TEAD1: variants seen among roughly 807,000 people sequenced by gnomAD.
TEAD1 encodes TEA domain transcription factor 1, also known as transcriptional enhancer factor TEF-1.
Under a neutral mutation model 54.9 loss-of-function variants are expected in TEAD1, and 9 were observed. That is an observed-to-expected ratio of 0.16 (90% CI 0.10 to 0.29). The LOEUF (loss-of-function observed/expected upper bound fraction) is 0.29. Ranked by LOEUF, TEAD1 falls within the 10% of genes least tolerant of loss-of-function variation. TEAD1 has a pLI of 1.00. For missense variants in TEAD1, 387 were observed against 535.9 expected, an observed-to-expected ratio of 0.72 and a Z score of 2.74; for synonymous variants, 200 against 187.8, an observed-to-expected ratio of 1.07 and a Z score of -0.53.
intron 3 of TEAD1, among the ~76,000 whole-genome samples, chr11:12,786,915 C>G (rs1945688643): frequency 6.6e-6 from 1 of 152,152 alleles, no homozygotes; most frequent in South Asian, 2.1e-4. Flanking sequence ...GTCTTCTAGG[C>G]AGAGAGCACC....
chr11:12,845,394 G>A (rs953637154), intron 3 of TEAD1, among the ~76,000 whole-genome samples: 4 of 152,130 alleles, frequency 2.6e-5, no homozygotes, highest in Non-Finnish European at 4.4e-5. Flanking sequence ...GTGTGTGTGC[G>A]CACACGCACA....
chr11:12,834,318 C>G (rs1421842199), intron 3 of TEAD1, among the ~76,000 whole-genome samples: 1 of 152,216 alleles, frequency 6.6e-6, no homozygotes, highest in Non-Finnish European at 1.5e-5. Context: ...GTGGCTGTAA[C>G]AGATATCCAT....
At chr11:12,854,800 C>T (rs1947339990) in intron 3 of TEAD1, among the ~76,000 whole-genome samples, 1 of 149,296 alleles carries the variant, frequency 6.7e-6, no homozygotes, top group African/African-American at 2.5e-5. Context: ...GTCTCACTCT[C>T]AGCCAGGCTG....
intron 2 of TEAD1, among the ~76,000 whole-genome samples, chr11:12,699,555 G>T (rs775721765): frequency 2.3e-4 from 35 of 152,094 alleles, no homozygotes; most frequent in Non-Finnish European, 4.9e-4. Context: ...ATCTTCTGTG[G>T]GGTTATTCAT....
At chr11:12,911,308 A>G (rs1564987535) in intron 10 of TEAD1, among the ~76,000 whole-genome samples, 1 of 151,848 alleles carries the variant, frequency 6.6e-6, no homozygotes, top group Non-Finnish European at 1.5e-5. Flanking sequence ...AACAGACCCC[A>G]CCCCCATTGG....
chr11:12,846,589 A>C (rs1302992661), intron 3 of TEAD1, among the ~76,000 whole-genome samples: 1 of 152,022 alleles, frequency 6.6e-6, no homozygotes, highest in Non-Finnish European at 1.5e-5. Context: ...TTCTGTCTGT[A>C]GAAAATATTG....
chr11:12,828,830 T>C (rs928363539), intron 3 of TEAD1, among the ~76,000 whole-genome samples: 2 of 150,962 alleles, frequency 1.3e-5, no homozygotes, highest in African/African-American at 4.9e-5. Flanking sequence ...TCCTGACTCT[T>C]TTGTCCTGAA....
chr11:12,829,687 G>A (rs902776133), intron 3 of TEAD1, among the ~76,000 whole-genome samples: 2 of 152,196 alleles, frequency 1.3e-5, no homozygotes, highest in African/African-American at 4.8e-5. Context: ...GTGTGCTTCT[G>A]CTAGCCTTTT....
chr11:12,689,508 G>A (rs1943407050), intron 2 of TEAD1, among the ~76,000 whole-genome samples: 1 of 152,142 alleles, frequency 6.6e-6, no homozygotes, highest in African/African-American at 2.4e-5. Flanking sequence ...GTTCAGTGAG[G>A]GTGAGCACAG....
intron 3 of TEAD1, chr11:12,823,788 A>G (rs1946598659): frequency 6.6e-6 from 1 of 152,130 alleles, no homozygotes; most frequent in African/African-American, 2.4e-5. Context: ...AAGAAGATAC[A>G]TTTCCTTGGC....
chr11:12,910,177 T>A (rs1257253970), intron 10 of TEAD1, among the ~76,000 whole-genome samples: 1 of 152,198 alleles, frequency 6.6e-6, no homozygotes, highest in Non-Finnish European at 1.5e-5. Context: ...TATGATTCAG[T>A]CATGCATCCC....
chr11:12,914,702 C>G (rs971068971), intron 10 of TEAD1, among the ~76,000 whole-genome samples: 1 of 151,492 alleles, frequency 6.6e-6, no homozygotes, highest in Admixed American at 6.6e-5. Flanking sequence ...CCCCTTCTCT[C>G]TGCCCATGGC....
Position 12,722,429 on chromosome 11 carries a change from C to G in TEAD1, c.-54-41750C>G, listed in dbSNP as rs557094135. 1.2e-3 allele frequency among the ~76,000 whole-genome samples: 186 copies of G among 152,300 alleles called. 1 individual carries two copies. The highest frequency in any genetic ancestry group is 4.3e-3 in the African/African-American group (178 of 41,560). ...CTCATGCAGGCAGCCTTGAATAGGTCATCCGGTAACATCCCTTTCCTCATC... is the reference window on the plus strand; with the variant it reads ...CTCATGCAGGCAGCCTTGAATAGGTGATCCGGTAACATCCCTTTCCTCATC... On this transcript the variant is annotated intron_variant, in intron 2 of 12. Transcript: ENST00000527636.
intron 2 of TEAD1, among the ~76,000 whole-genome samples, chr11:12,739,900 G>A (rs1294730638): frequency 2.0e-5 from 3 of 152,210 alleles, no homozygotes; most frequent in Non-Finnish European, 4.4e-5. Context: ...TGAAAGAGTA[G>A]TTGTATGTAT....
At chr11:12,891,058 C>G (rs1948188205) in intron 9 of TEAD1, among the ~76,000 whole-genome samples, 1 of 152,188 alleles carries the variant, frequency 6.6e-6, no homozygotes, top group African/African-American at 2.4e-5. Context: ...AACCACCATG[C>G]ACGGCCTCAA....
intron 3 of TEAD1, among the ~76,000 whole-genome samples, chr11:12,825,428 T>C (rs1946632936): frequency 6.6e-6 from 1 of 152,198 alleles, no homozygotes; most frequent in Non-Finnish European, 1.5e-5. Context: ...ATCAATTGTA[T>C]TTTTACATAC....
intron 3 of TEAD1, among the ~76,000 whole-genome samples, chr11:12,831,982 C>T (rs1244982996): frequency 6.6e-6 from 1 of 151,810 alleles, no homozygotes; most frequent in East Asian, 1.9e-4. Context: ...GAAAGCTGCC[C>T]CCCGGCAAGT....
chr11:12,883,213 A>G, intron 9 of TEAD1, 88 bp downstream of exon 9: 12 of 1,590,300 alleles, frequency 7.5e-6, no homozygotes, highest in Non-Finnish European at 1.0e-5. Context: ...TTCCTCCTTT[A>G]CCCCGCCCCA....
intron 10 of TEAD1, among the ~76,000 whole-genome samples, chr11:12,904,284 A>G (rs1948477714): frequency 6.6e-6 from 1 of 152,226 alleles, no homozygotes; most frequent in African/African-American, 2.4e-5. Flanking sequence ...ACATCAAGGA[A>G]AACAAATGAC....
Sources: gnomAD v4.1 joint callset for allele counts (sites outside exome capture counted in the v4.1 genomes callset) on GRCh38, gnomAD v4.1.1 for gene constraint, MANE v1.5 for transcripts, NCBI Gene and HGNC (gene_info 2026-07-23, HGNC 2026-07-21) for gene names.